Variants in CAMK4 observed in about 807,000 individuals in gnomAD.
CAMK4 encodes calcium/calmodulin-dependent protein kinase type IV.
In CAMK4, 22 loss-of-function variants were observed where a neutral mutation model predicts 44.9. The ratio of observed to expected loss-of-function variants is 0.49; its 90% confidence interval spans 0.35 to 0.70. CAMK4 has a LOEUF of 0.70. Among genes scored for constraint, CAMK4 ranks in the 30% least tolerant of loss-of-function variants. CAMK4 has a pLI of 0.01. For missense variants in CAMK4, 498 were observed against 586.8 expected (o/e 0.85, Z 1.56); for synonymous variants, 218 against 215.4 (o/e 1.01, Z -0.11).
In CAMK4 at chr5:111,273,708, TATATATATATACAC is replaced by T. The variant is rs1308543738; in HGVS notation, c.161+49066_161+49079del. On this transcript the variant is annotated intron_variant, in intron 1 of 10. Coordinates refer to ENST00000282356, the MANE Select transcript of CAMK4 (RefSeq NM_001744.6). ...ATATATATATATATATATATATATA[TATATATATATACAC>T]ACACATACATACACACACACACGCT... Among the ~76,000 whole-genome samples, 133 of 56,402 alleles carry T rather than the reference TATATATATATACAC, an allele frequency of 2.4e-3. 6 individuals are homozygous for T. The highest frequency in any genetic ancestry group is 0.012 in the African/African-American group (128 of 10,380). The allele number at this position is 56,402 out of a possible 152,430, so 37.0% of individuals were successfully genotyped here.
chr5:111,374,727 A>C (rs1653050733), intron 2 of CAMK4, 123 bp from the exon 3 acceptor site: 10 of 649,034 alleles, frequency 1.5e-5, no homozygotes, highest in Non-Finnish European at 2.8e-5. Flanking sequence ...AGACACACAA[A>C]AGCTAAGGAA....
chr5:111,380,975 A>G (rs1488572366), intron 4 of CAMK4, among the ~76,000 whole-genome samples: 5 of 152,170 alleles, frequency 3.3e-5, no homozygotes, highest in Non-Finnish European at 7.4e-5. Context: ...CCAGGGCATT[A>G]TACCAGGGCT....
intron 4 of CAMK4, among the ~76,000 whole-genome samples, chr5:111,384,629 A>C (rs572712927): frequency 4.6e-5 from 7 of 152,218 alleles, no homozygotes; most frequent in South Asian, 2.1e-4. Context: ...ACTAATCAAC[A>C]TGAATTTCTC....
chr5:111,409,689 T>C (rs1023006322), intron 5 of CAMK4, among the ~76,000 whole-genome samples: 1 of 152,200 alleles, frequency 6.6e-6, no homozygotes, highest in Non-Finnish European at 1.5e-5. Flanking sequence ...ATGCTCTGCT[T>C]TCTCTTGAAC....
chr5:111,444,456 C>T (rs1263954513), intron 5 of CAMK4, among the ~76,000 whole-genome samples: 1 of 152,146 alleles, frequency 6.6e-6, no homozygotes, highest in Non-Finnish European at 1.5e-5. Flanking sequence ...TATCCCCTGG[C>T]AGGAAACACT....
intron 1 of CAMK4, among the ~76,000 whole-genome samples, chr5:111,287,233 G>A (rs1751273487): frequency 6.6e-6 from 1 of 152,132 alleles, no homozygotes; most frequent in Non-Finnish European, 1.5e-5. Context: ...CCTGAATAGG[G>A]AATACTGCTT....
chr5:111,391,238 AAG>A (rs1489279934), intron 4 of CAMK4, among the ~76,000 whole-genome samples: 5 of 152,258 alleles, frequency 3.3e-5, no homozygotes, highest in Admixed American at 1.3e-4. Flanking sequence ...AGGGGAGGGG[AAG>A]AGATCTCAGA....
intron 1 of CAMK4, among the ~76,000 whole-genome samples, chr5:111,265,653 A>G (rs950942714): frequency 6.6e-6 from 1 of 152,198 alleles, no homozygotes; most frequent in Non-Finnish European, 1.5e-5. Flanking sequence ...CCAATCTTCA[A>G]GGAATGCAAA....
intron 2 of CAMK4, among the ~76,000 whole-genome samples, chr5:111,350,789 C>T (rs745896208): frequency 6.6e-6 from 1 of 152,020 alleles, no homozygotes; most frequent in Non-Finnish European, 1.5e-5. Context: ...TTATTCTCTT[C>T]TCAGTTAATC....
At chr5:111,386,387 A>G (rs1751603524) in intron 4 of CAMK4, among the ~76,000 whole-genome samples, 1 of 152,198 alleles carries the variant, frequency 6.6e-6, no homozygotes, top group African/African-American at 2.4e-5. Flanking sequence ...TTTCTCACAT[A>G]AACCTAGTCA....
In CAMK4 at chr5:111,376,956, G is replaced by T; in HGVS notation, c.386+14G>T. 1 of 1,538,450 alleles carries T rather than the reference G, an allele frequency of 6.5e-7. No homozygotes were observed. The highest frequency in any genetic ancestry group is 8.9e-7 in the Non-Finnish European group (1 of 1,124,768). On this transcript the variant is annotated intron_variant, in intron 4 of 10. Coordinates refer to ENST00000282356, the MANE Select transcript of CAMK4 (RefSeq NM_001744.6). ...ACTGTTTGATAGGTGAGTTGGTTCTGGAAATATAACCACAGAAAGGTTTGC... is the reference window on the plus strand; with the variant it reads ...ACTGTTTGATAGGTGAGTTGGTTCTTGAAATATAACCACAGAAAGGTTTGC...
rs955028566 is a variant in CAMK4 at position 111,466,549 on chromosome 5, C to T, written c.626-6762C>T. 6.6e-5 allele frequency among the ~76,000 whole-genome samples: 10 copies of T among 152,168 alleles called. 1 individual carries two copies. The South Asian group carries it at 1.9e-3, about 28-fold the overall frequency. On this transcript the variant is annotated intron_variant, in intron 7 of 10. Transcript: ENST00000282356. ...ACAAATCAGTAGCTCTGCGATACAC[C>T]AACAGCAAACAAGATGAGAATCAAA...
At chr5:111,367,966 C>A (rs994670151) in intron 2 of CAMK4, among the ~76,000 whole-genome samples, 22 of 152,104 alleles carry the variant, frequency 1.4e-4, no homozygotes, top group African/African-American at 5.3e-4. Context: ...TCCGACCTTT[C>A]TGCATTTCCC....
At chr5:111,425,155 G>A (rs1276342490) in intron 5 of CAMK4, among the ~76,000 whole-genome samples, 6 of 127,538 alleles carry the variant, frequency 4.7e-5, no homozygotes, top group South Asian at 2.7e-4. Context: ...AGACCAAGAC[G>A]CTGTCTTAAA....
At chr5:111,280,891 G>T (rs909957549) in intron 1 of CAMK4, among the ~76,000 whole-genome samples, 1 of 152,210 alleles carries the variant, frequency 6.6e-6, no homozygotes, top group African/African-American at 2.4e-5. Context: ...ATTAGCATTG[G>T]TTGGATGGTT....
chr5:111,284,672 CAA>C (rs1266040407), intron 1 of CAMK4, among the ~76,000 whole-genome samples: 1 of 152,122 alleles, frequency 6.6e-6, no homozygotes, highest in Non-Finnish European at 1.5e-5. Context: ...CCGTAATAGG[CAA>C]AAGAGTCCAA....
At chr5:111,436,273 A>C (rs1300539930) in intron 5 of CAMK4, among the ~76,000 whole-genome samples, 2 of 152,230 alleles carry the variant, frequency 1.3e-5, no homozygotes, top group African/African-American at 4.8e-5. Context: ...GCATATGTAT[A>C]AATAGACAGG....
intron 7 of CAMK4, among the ~76,000 whole-genome samples, chr5:111,468,423 A>G (rs1754922607): frequency 6.6e-6 from 1 of 152,234 alleles, no homozygotes; most frequent in East Asian, 1.9e-4. Flanking sequence ...AAGGACAGCC[A>G]GAGTGCTTAT....
intron 1 of CAMK4, among the ~76,000 whole-genome samples, chr5:111,334,528 C>A (rs963589647): frequency 2.6e-5 from 4 of 151,408 alleles, no homozygotes; most frequent in Non-Finnish European, 5.9e-5. Context: ...CACACTTTCA[C>A]CCCTAAGAAG....
Sources: gnomAD v4.1 joint callset for allele counts (sites outside exome capture counted in the v4.1 genomes callset) on GRCh38, gnomAD v4.1.1 for gene constraint, MANE v1.5 for transcripts, NCBI Gene and HGNC (gene_info 2026-07-23, HGNC 2026-07-21) for gene names.